CNTN5: variants seen among roughly 807,000 people sequenced by gnomAD.
CNTN5 encodes the protein contactin-5.
CNTN5 carries 77 observed loss-of-function variants against 129.1 expected under a neutral mutation model. That is an observed-to-expected ratio of 0.60 (90% CI 0.50 to 0.72). CNTN5 has a LOEUF of 0.72. CNTN5 is among the 30% of genes least tolerant of loss of function. The probability of loss-of-function intolerance (pLI) is 0.00; values close to 1 mark genes in which losing one functional copy is unlikely to be tolerated. For synonymous variants in CNTN5, 509 were observed against 465.6 expected, an observed-to-expected ratio of 1.09 and a Z score of -1.20; for missense variants, 1,478 against 1,328.8, an observed-to-expected ratio of 1.11 and a Z score of -1.75.
chr11:99,653,211 G>A (rs1158799294), intron 3 of CNTN5, among the ~76,000 whole-genome samples: 3 of 151,970 alleles, frequency 2.0e-5, no homozygotes, highest in African/African-American at 7.2e-5. Context: ...TGAACTCATA[G>A]ACAGATTGGA....
intron 6 of CNTN5, among the ~76,000 whole-genome samples, chr11:99,860,509 C>T (rs1207268531): frequency 6.6e-6 from 1 of 152,120 alleles, no homozygotes; most frequent in Non-Finnish European, 1.5e-5. Flanking sequence ...GGTCCAATTT[C>T]ATTCTTCTGC....
At chr11:99,480,028 T>A (rs532291285) in intron 2 of CNTN5, among the ~76,000 whole-genome samples, 1 of 152,208 alleles carries the variant, frequency 6.6e-6, no homozygotes, top group East Asian at 1.9e-4. Context: ...AAAGTAGAGA[T>A]ACAAAATATA....
chr11:99,672,678 C>A (rs1428104804), intron 3 of CNTN5, among the ~76,000 whole-genome samples: 1 of 150,564 alleles, frequency 6.6e-6, no homozygotes, highest in Non-Finnish European at 1.5e-5. Context: ...CCAATTTTCT[C>A]TCTCTCTTTC....
chr11:99,534,891 A>G (rs1017511232), intron 2 of CNTN5, among the ~76,000 whole-genome samples: 2 of 152,190 alleles, frequency 1.3e-5, no homozygotes, highest in Non-Finnish European at 2.9e-5. Flanking sequence ...AAAGCATTCT[A>G]GATTTACCCA....
intron 3 of CNTN5, among the ~76,000 whole-genome samples, chr11:99,691,978 C>T (rs992278002): frequency 3.9e-5 from 6 of 152,088 alleles, no homozygotes; most frequent in Non-Finnish European, 7.4e-5. Context: ...TTGAATTGAA[C>T]CCTTTACCAT....
At chr11:99,848,901 A>G (rs1034015850) in intron 6 of CNTN5, among the ~76,000 whole-genome samples, 1 of 152,166 alleles carries the variant, frequency 6.6e-6, no homozygotes, top group African/African-American at 2.4e-5. Flanking sequence ...AGATCTGTTT[A>G]ACAGACCAGT....
intron 2 of CNTN5, among the ~76,000 whole-genome samples, chr11:99,407,542 C>T (rs1428707256): frequency 6.6e-6 from 1 of 152,136 alleles, no homozygotes; most frequent in Non-Finnish European, 1.5e-5. Flanking sequence ...GAGACAAGTA[C>T]TCCCTTAGCC....
chr11:99,431,382 C>T (rs1165852996), intron 2 of CNTN5, among the ~76,000 whole-genome samples: 3 of 151,978 alleles, frequency 2.0e-5, no homozygotes, highest in South Asian at 2.1e-4. Flanking sequence ...GCTGAAACTC[C>T]GGAAAGGAGC....
At chr11:99,398,620 C>T (rs1941647218) in intron 2 of CNTN5, among the ~76,000 whole-genome samples, 1 of 151,926 alleles carries the variant, frequency 6.6e-6, no homozygotes, top group Admixed American at 6.6e-5. Context: ...CGTAGCTTTT[C>T]AGAATGGCTG....
intron 6 of CNTN5, among the ~76,000 whole-genome samples, chr11:99,872,420 T>C (rs910788420): frequency 6.6e-6 from 1 of 152,132 alleles, no homozygotes; most frequent in South Asian, 2.1e-4. Flanking sequence ...AGCCTTGAGA[T>C]GAAAAGTCTT....
rs76693700 is a variant in CNTN5, at chr11:99,347,665, C to G, written c.-71+22181C>G. On this transcript the variant is annotated intron_variant, in intron 2 of 24. Transcript: ENST00000524871. ...GTTAAGAATATGTGTAACAAGGGTG[C>G]ACAGTGTGTTTAGTATGCGTTATTT... Among the ~76,000 whole-genome samples the G allele has an allele frequency of 0.025, 3,757 of 152,154 alleles. 337 individuals are homozygous for G. The East Asian group carries it at 0.25, about 10-fold the overall frequency.
chr11:100,271,920 A>C (rs550975414), intron 18 of CNTN5, among the ~76,000 whole-genome samples: 13 of 152,208 alleles, frequency 8.5e-5, no homozygotes, highest in Non-Finnish European at 1.9e-4. Context: ...GGAATACAGA[A>C]ATTTTCTGAG....
At chr11:99,362,670 A>T (rs1402144785) in intron 2 of CNTN5, among the ~76,000 whole-genome samples, 1 of 151,258 alleles carries the variant, frequency 6.6e-6, no homozygotes, top group Non-Finnish European at 1.5e-5. Context: ...ATGCTTAGGT[A>T]TTTAATACAT....
At chr11:99,443,490 T>A (rs1943925717) in intron 2 of CNTN5, among the ~76,000 whole-genome samples, 1 of 152,200 alleles carries the variant, frequency 6.6e-6, no homozygotes, top group Admixed American at 6.5e-5. Flanking sequence ...CATGAGTCAG[T>A]TTTTGCTGAC....
At chr11:99,868,890 T>A (rs1747313292) in intron 6 of CNTN5, among the ~76,000 whole-genome samples, 1 of 152,142 alleles carries the variant, frequency 6.6e-6, no homozygotes, top group Admixed American at 6.6e-5. Context: ...GGTACATTAG[T>A]CTGACAGCAG....
chr11:99,846,489 TTTA>T (rs1393918220), intron 6 of CNTN5, among the ~76,000 whole-genome samples: 1 of 152,082 alleles, frequency 6.6e-6, no homozygotes, highest in Non-Finnish European at 1.5e-5. Context: ...GGTAAAACCT[TTTA>T]TTATTATTCC....
chr11:99,947,019 T>A (rs1288129855), intron 7 of CNTN5, among the ~76,000 whole-genome samples: 1 of 103,460 alleles, frequency 9.7e-6, no homozygotes, highest in East Asian at 3.2e-4. Context: ...TACATGATTA[T>A]GAAAATGAGT....
intron 3 of CNTN5, among the ~76,000 whole-genome samples, chr11:99,588,645 T>C (rs553554091): frequency 4.6e-5 from 7 of 152,056 alleles, no homozygotes; most frequent in Non-Finnish European, 1.0e-4. Context: ...TTTAATACGT[T>C]AAAGTAAAAG....
At chr11:99,605,003 A>T (rs1341654959) in intron 3 of CNTN5, among the ~76,000 whole-genome samples, 8 of 12,328 alleles carry the variant, frequency 6.5e-4, no homozygotes, top group African/African-American at 2.4e-3. Context: ...AGCAGGAAAG[A>T]TCCAAAATTG....
Sources: gnomAD v4.1 joint callset for allele counts (sites outside exome capture counted in the v4.1 genomes callset) on GRCh38, gnomAD v4.1.1 for gene constraint, MANE v1.5 for transcripts, NCBI Gene and HGNC (gene_info 2026-07-23, HGNC 2026-07-21) for gene names.